MYO18A: variants seen among roughly 807,000 people sequenced by gnomAD.
MYO18A encodes myosin XVIIIA.
A neutral mutation model predicts 235.8 loss-of-function variants in MYO18A; 78 were observed. The ratio of observed to expected loss-of-function variants is 0.33; its 90% CI spans 0.28 to 0.40. MYO18A has a LOEUF of 0.40. Among genes scored for constraint, MYO18A ranks in the 10% least tolerant of loss-of-function variants. MYO18A has a pLI of 1.00. For missense variants in MYO18A, 2,215 were observed against 2,699.3 expected (o/e 0.82, Z 3.98); for synonymous variants, 977 against 1,077.8 (o/e 0.91, Z 1.83).
chr17:29,081,072 T>A, intron 41 of MYO18A: 1 of 843,564 alleles, frequency 1.2e-6, no homozygotes, highest in African/African-American at 1.9e-5. Flanking sequence ...AGAGGGAGGT[T>A]GAGAGAGAGA....
intron 34 of MYO18A, 77 bp downstream of exon 34, chr17:29,092,266 G>T (rs2066415496): frequency 9.2e-7 from 1 of 1,081,654 alleles, no homozygotes; most frequent in South Asian, 1.3e-5. Flanking sequence ...GACCTGTCTA[G>T]GGTGAAGGGA....
intron 2 of MYO18A, among the ~76,000 whole-genome samples, chr17:29,133,188 C>T (rs2078241614): frequency 6.6e-6 from 1 of 152,236 alleles, no homozygotes; most frequent in Admixed American, 6.5e-5. Context: ...GTGTCTGAAA[C>T]ACTGGGCCCA....
At position 29,074,142 on chromosome 17, in the gene MYO18A, C is replaced by G; in HGVS notation, c.*628G>C. On this transcript the variant is annotated 3_prime_UTR_variant, in exon 42 of 42. Transcript: ENST00000527372. The surrounding 1 kb of genome is among the most constrained non-coding windows in gnomAD (Gnocchi z 4.4). Reference sequence around the variant, plus strand: ...ACCTGGACCCGGCTCTCCTCACCAGCGTCTCCAGCTGCACAGAGAAAGGAC... The same window carrying G: ...ACCTGGACCCGGCTCTCCTCACCAGGGTCTCCAGCTGCACAGAGAAAGGAC... The G allele has an allele frequency of 3.1e-6, 5 of 1,613,836 alleles. No homozygotes were observed. Among genetic ancestry groups the G allele is most frequent in the Non-Finnish European group, 4.2e-6 (5 of 1,179,914 alleles).
chr17:29,115,273 C>T, intron 13 of MYO18A, 78 bp downstream of exon 13: 3 of 1,544,272 alleles, frequency 1.9e-6, no homozygotes, highest in Non-Finnish European at 2.7e-6. Context: ...CCGGCTCTGC[C>T]TCGGCCAACA....
chr17:29,093,443 GA>G lies in MYO18A; in HGVS notation c.4822-17del. On this transcript the variant is annotated splice_polypyrimidine_tract_variant and intron_variant, in intron 31 of 41. Transcript: ENST00000527372. ...TCTGTTTTAACTGGAGTACCATGGGGACAGAGACCCGTCCGTCCCTTTAGTG... is the reference window on the plus strand; with the variant it reads ...TCTGTTTTAACTGGAGTACCATGGGGCAGAGACCCGTCCGTCCCTTTAGTG... 1 of 1,596,202 alleles carries G rather than the reference GA, an allele frequency of 6.3e-7. No homozygotes were observed.
At chr17:29,112,747 A>C (rs1369559325) in intron 15 of MYO18A, among the ~76,000 whole-genome samples, 1 of 152,224 alleles carries the variant, frequency 6.6e-6, no homozygotes, top group Non-Finnish European at 1.5e-5. Context: ...CTGGAGGAAA[A>C]AAGAAGTGAG....
At chr17:29,102,748 C>T (rs966508069) in intron 21 of MYO18A, among the ~76,000 whole-genome samples, 1 of 152,234 alleles carries the variant, frequency 6.6e-6, no homozygotes, top group African/African-American at 2.4e-5. Flanking sequence ...AGGAAAGTGA[C>T]TCAACATGCA....
At chr17:29,133,977 G>C in intron 2 of MYO18A, 1 of 625,326 alleles carries the variant, frequency 1.6e-6, no homozygotes, top group South Asian at 1.7e-5. Context: ...TGGAGTGGAG[G>C]AGGAAGGATT....
chr17:29,097,987 A>C lies in MYO18A; in HGVS notation c.3991-88T>G, dbSNP rs728876. 9 of 1,570,466 alleles carry C rather than the reference A, an allele frequency of 5.7e-6. No homozygotes were observed. The Admixed American group carries it at 1.5e-4, about 27-fold the overall frequency. On this transcript the variant is annotated intron_variant, in intron 25 of 41. Coordinates refer to ENST00000527372, the MANE Select transcript of MYO18A (RefSeq NM_078471.4). ...ACAGACCATGATCACATGCTTACCA[A>C]GGGCAGACAGGGATGCTGGGCTAGG...
chr17:29,094,902 G>A (rs1257068643), intron 29 of MYO18A, 34 bp downstream of exon 29: 52 of 1,613,314 alleles, frequency 3.2e-5, no homozygotes, highest in Non-Finnish European at 4.2e-5. Context: ...GTTGTGAGGG[G>A]GACAGGGCAC....
At position 29,121,120 on chromosome 17, in the gene MYO18A, C is replaced by T; in HGVS notation, c.1463G>A (p.Ser488Asn). Residue 488 changes from serine (S) to asparagine (N), a missense_variant, in exon 6 of 42, where the codon AGC (serine) becomes AAC (asparagine). Transcript: ENST00000527372. This position sits in a 1 kb window ranked among gnomAD's most constrained non-coding sequence, Gnocchi z 4.2. ...AQTAYRAMLM[S>N]RQDQSIILLG... ...GAGGATGATTGACTGATCCTGACGG[C>T]TCATCAGCATCGCCCTGTATGCGGT... 4 of 1,611,756 alleles carry T rather than the reference C, an allele frequency of 2.5e-6. No homozygotes were observed. Among genetic ancestry groups the T allele is most frequent in the Non-Finnish European group, 3.4e-6 (4 of 1,178,968 alleles).
At chr17:29,141,975 C>T (rs1283622850) in intron 2 of MYO18A, among the ~76,000 whole-genome samples, 3 of 152,154 alleles carry the variant, frequency 2.0e-5, no homozygotes, top group Non-Finnish European at 2.9e-5. Flanking sequence ...GACGGAGTCT[C>T]GCTCTGTCGC....
rs963557689 is a variant in MYO18A at position 29,126,349 on chromosome 17, G to T, written c.1000-4096C>A. 2.0e-5 allele frequency among the ~76,000 whole-genome samples: 3 copies of T among 151,722 alleles called. No homozygotes were observed. Among genetic ancestry groups the T allele is most frequent in the African/African-American group, 7.3e-5 (3 of 41,212 alleles). The stretch of plus-strand genomic sequence containing the variant: ...GGGGAGGAGGGAGGGGAGGGCAGCC[G>T]CCCGGGAACAGGACCACGACACTCC... On this transcript the variant is annotated intron_variant, in intron 2 of 41. Transcript: ENST00000527372. The surrounding 1 kb of genome is among the most constrained non-coding windows in gnomAD (Gnocchi z 4.1).
Position 29,158,630 on chromosome 17 carries a change from C to A in MYO18A, c.999+7312G>T, listed in dbSNP as rs1160902347. ...GCTGCCTGCCCAGGCAGCAGGGGAG[C>A]CCTCACCTCAGCTGGGTCACCAGTC... is the stretch of plus-strand genomic sequence containing the variant. On this transcript the variant is annotated intron_variant, in intron 2 of 41. Coordinates refer to ENST00000527372, the MANE Select transcript of MYO18A (RefSeq NM_078471.4). This position sits in a 1 kb window ranked among gnomAD's most constrained non-coding sequence, Gnocchi z 4.3. 6.6e-6 allele frequency among the ~76,000 whole-genome samples: 1 copy of A among 152,174 alleles called. No individual in the cohort carries two copies. Among genetic ancestry groups the A allele is most frequent in the Non-Finnish European group, 1.5e-5 (1 of 68,030 alleles).
intron 37 of MYO18A, 41 bp from the exon 38 acceptor site, chr17:29,087,162 C>G: frequency 6.3e-7 from 1 of 1,581,762 alleles, no homozygotes; most frequent in Non-Finnish European, 8.6e-7. Flanking sequence ...GCAGGCAGGC[C>G]CATCAGCCAG....
At chr17:29,139,350 C>T (rs530966903) in intron 2 of MYO18A, among the ~76,000 whole-genome samples, 20 of 152,100 alleles carry the variant, frequency 1.3e-4, no homozygotes, top group African/African-American at 4.1e-4. Flanking sequence ...GCTAGTGGCC[C>T]GGGGGTGGCT....
chr17:29,099,355 A>T (rs2066599614), intron 22 of MYO18A, among the ~76,000 whole-genome samples: 2 of 152,198 alleles, frequency 1.3e-5, no homozygotes, highest in South Asian at 4.1e-4. Flanking sequence ...GGAGTCACTG[A>T]CACAGCTCCT....
chr17:29,115,520 CCA>C, intron 12 of MYO18A, 79 bp from the exon 13 acceptor site: 1 of 1,526,558 alleles, frequency 6.6e-7, no homozygotes, highest in South Asian at 1.2e-5. Context: ...TGCCCAGGGC[CCA>C]GTCAGCACGG....
At chr17:29,138,192 T>C (rs918499168) in intron 2 of MYO18A, among the ~76,000 whole-genome samples, 6 of 152,170 alleles carry the variant, frequency 3.9e-5, no homozygotes, top group African/African-American at 1.4e-4. Flanking sequence ...CTGGAATGCC[T>C]GGCCTGGACA....
Sources: gnomAD v4.1 joint callset for allele counts (sites outside exome capture counted in the v4.1 genomes callset) on GRCh38, gnomAD v4.1.1 for gene constraint, Gnocchi (gnomAD v3.1) non-coding constraint, MANE v1.5 for transcripts, NCBI Gene and HGNC (gene_info 2026-07-23, HGNC 2026-07-21) for gene names.